The following TTC5 variants were observed in gnomAD, a reference collection of about 807,000 sequenced individuals.
The protein encoded by TTC5 is tetratricopeptide repeat domain 5.
In TTC5, 46 loss-of-function variants were observed where a neutral mutation model predicts 57.4. That is an observed-to-expected ratio of 0.80 (90% confidence interval 0.63 to 1.03). The LOEUF (loss-of-function observed/expected upper bound fraction) is 1.03, where lower values mean the gene tolerates loss of function less well. Among genes scored for constraint, TTC5 ranks in the 50% least tolerant of loss-of-function variants. The pLI is 0.00. For missense variants in TTC5, 504 were observed against 528.1 expected (o/e 0.95, Z 0.45); for synonymous variants, 190 against 203.5 (o/e 0.93, Z 0.57).
chr14:20,297,482 A>G (rs1379515168), intron 5 of TTC5, among the ~76,000 whole-genome samples: 6 of 152,212 alleles, frequency 3.9e-5, no homozygotes, highest in Non-Finnish European at 5.9e-5. Flanking sequence ...TCAGATTAAA[A>G]AGAGATGACC....
At chr14:20,300,844 T>TG (rs765116510) in intron 2 of TTC5, 26 bp from the exon 3 acceptor site, 51 of 1,557,966 alleles carry the variant, frequency 3.3e-5, no homozygotes, top group Non-Finnish European at 4.4e-5. Flanking sequence ...AAAGATAAAG[T>TG]GGGAAAAAAA....
intron 3 of TTC5, 98 bp from the exon 4 acceptor site, chr14:20,299,546 TCTAAG>T (rs1882138904): frequency 6.9e-7 from 1 of 1,447,010 alleles, no homozygotes; most frequent in South Asian, 1.2e-5. Flanking sequence ...TTTTTACCTT[TCTAAG>T]TTTTTTGTTT....
At chr14:20,300,330 C>A in intron 3 of TTC5, 1 of 362,454 alleles carries the variant, frequency 2.8e-6, no homozygotes, top group Non-Finnish European at 5.0e-6. Flanking sequence ...TTGCTGCCAT[C>A]TGTATCTTCA....
chr14:20,294,811 T>C (rs1382913793), intron 8 of TTC5: 1 of 152,966 alleles, frequency 6.5e-6, no homozygotes, highest in Non-Finnish European at 1.5e-5. Flanking sequence ...TACATTTCTT[T>C]TTTCTCACTC....
At chr14:20,305,720 G>C in intron 1 of TTC5, 167 bp downstream of exon 1, 2 of 665,850 alleles carry the variant, frequency 3.0e-6, no homozygotes, top group Non-Finnish European at 5.3e-6. Flanking sequence ...GTTCCAACGA[G>C]GCTCCCTGGC....
chr14:20,298,960 G>T (rs1882124309), intron 4 of TTC5, 72 bp from the exon 5 acceptor site: 1 of 1,232,366 alleles, frequency 8.1e-7, no homozygotes, highest in Non-Finnish European at 1.2e-6. Flanking sequence ...GATCATTCTT[G>T]AAAGTATATT....
chr14:20,304,964 T>C (rs1882261171), intron 1 of TTC5, among the ~76,000 whole-genome samples: 1 of 151,284 alleles, frequency 6.6e-6, no homozygotes. Flanking sequence ...TAACCACTGA[T>C]TTGTATACCT....
At chr14:20,290,268 G>T (rs905781353) in intron 9 of TTC5, among the ~76,000 whole-genome samples, 7 of 152,112 alleles carry the variant, frequency 4.6e-5, no homozygotes, top group Non-Finnish European at 8.8e-5. Context: ...TAACAAAAAA[G>T]GTATCAGCTC....
At chr14:20,292,654 C>T (rs1881982707) in intron 8 of TTC5, 1 of 152,260 alleles carries the variant, frequency 6.6e-6, no homozygotes, top group South Asian at 2.1e-4. Context: ...GACCTATAGT[C>T]TAGCAGGAGT....
In TTC5 at chr14:20,291,997, G is replaced by A. The variant is rs1881963279; in HGVS notation, c.1189C>T (p.Gln397Ter). 6.3e-7 allele frequency: 1 copy of A among 1,589,384 alleles called. No individual in the cohort carries two copies. Among genetic ancestry groups the A allele is most frequent in the South Asian group, 1.2e-5 (1 of 86,868 alleles). ...CCATTGCTCACCTTTCCTTTGTGCT[G>A]AATTCGGTGAAGCCGCAGGTTGGGC... ...PEPNLRLHRI[Q>*]HKGKDYSFSS... Residue 397 changes from glutamine to a stop codon, truncating the protein, a stop_gained, in exon 9 of 10, where the codon CAG becomes TAG. Transcript: ENST00000258821. LOFTEE classifies it high-confidence loss of function.
intron 8 of TTC5, chr14:20,293,558 AG>A (rs908522346): frequency 2.6e-5 from 4 of 152,250 alleles, no homozygotes; most frequent in Non-Finnish European, 4.4e-5. Context: ...AGTACCAGTA[AG>A]GGATCTTAAA....
chr14:20,299,281 C>T lies in TTC5; in HGVS notation c.547+17G>A, dbSNP rs943186428. ...TCTGCTCTAGAAACCTGTTGGAGAT[C>T]TTTTGAGAGCACTCACACCAGGAGC... On this transcript the variant is annotated intron_variant, in intron 4 of 9. Transcript: ENST00000258821. 4 of 1,610,060 alleles carry T rather than the reference C, an allele frequency of 2.5e-6. No individual in the cohort carries two copies. The highest frequency in any genetic ancestry group is 3.4e-6 in the Non-Finnish European group (4 of 1,177,332).
chr14:20,300,599 CAGCT>C lies in TTC5; in HGVS notation c.396+4_396+7del. 1 of 1,606,156 alleles carries C rather than the reference CAGCT, an allele frequency of 6.2e-7. No individual in the cohort carries two copies. The highest frequency in any genetic ancestry group is 8.5e-7 in the Non-Finnish European group (1 of 1,178,276). On this transcript the variant is annotated splice_donor_5th_base_variant and intron_variant, in intron 3 of 9. Transcript: ENST00000258821. ...CTCTGCTTTCCAAAGGGATAGGGGGCAGCTCACATGGGTGAGGGCTCCTGAGAAG... is the reference window on the plus strand; with the variant it reads ...CTCTGCTTTCCAAAGGGATAGGGGGCCACATGGGTGAGGGCTCCTGAGAAG...
rs140817385 is a variant in TTC5, at chr14:20,286,275, T to C, written c.*3352A>G. 9.9e-4 allele frequency: 150 copies of C among 152,234 alleles called. 1 individual carries two copies. Among genetic ancestry groups the C allele is most frequent in the African/African-American group, 3.6e-3 (148 of 41,548 alleles). 9.4% of individuals were successfully genotyped at this position (152,234 alleles called of 1,614,324 possible). On this transcript the variant is annotated 3_prime_UTR_variant, in exon 10 of 10. Coordinates refer to ENST00000258821, the MANE Select transcript of TTC5 (RefSeq NM_138376.3). ...AAAAACATAATTTATAATGGATTAG[T>C]ATCCAGAACATGTAAGGAATCAATA...
chr14:20,300,143 G>GTATGTGTGTGTGTATATATATATATA (rs56828704), intron 3 of TTC5, among the ~76,000 whole-genome samples: 1 of 27,146 alleles, frequency 3.7e-5, no homozygotes, highest in African/African-American at 1.1e-4. Flanking sequence ...TCTGGTCCAT[G>GTATGTGTGTGTGTATATATATATATA]TATATATATA....
Position 20,292,087 on chromosome 14 carries a change from C to A in TTC5, c.1099G>T (p.Val367Leu). The change falls in exon 9 of 10, where the codon GTG (valine) becomes TTG (leucine). Residue 367 changes from valine (V) to leucine (L), a missense_variant. Transcript: ENST00000258821. ...CTCTGCACTATATTGTACACCATCACTGCATAGCAAGGTCCATCTGAATCT... is the reference window on the plus strand; with the variant it reads ...CTCTGCACTATATTGTACACCATCAATGCATAGCAAGGTCCATCTGAATCT... ...LVDSDGPCYA[V>L]MVYNIVQSWG... is the part of the protein sequence containing the mutation. 6.3e-7 allele frequency: 1 copy of A among 1,590,476 alleles called. No individual in the cohort carries two copies. The highest frequency in any genetic ancestry group is 8.6e-7 in the Non-Finnish European group (1 of 1,168,246).
In TTC5 at chr14:20,286,559, A is replaced by G. The variant is rs1241704201; in HGVS notation, c.*3068T>C. On this transcript the variant is annotated 3_prime_UTR_variant, in exon 10 of 10. Coordinates refer to ENST00000258821, the MANE Select transcript of TTC5 (RefSeq NM_138376.3). ...TATGAAAAAAATTATATCCGTACAT[A>G]ACATAAAATAAAGTCATACTGTAAG... The G allele has an allele frequency of 6.6e-6, 1 of 152,154 alleles. No individual in the cohort carries two copies. Among genetic ancestry groups the G allele is most frequent in the Non-Finnish European group, 1.5e-5 (1 of 68,012 alleles). 9.4% of individuals were successfully genotyped at this position (152,154 alleles called of 1,614,324 possible). A position where few individuals can be genotyped will look rare whatever the true frequency, so the allele number is the denominator to read the frequency against.
rs147409941 is a variant in TTC5 at position 20,295,725 on chromosome 14, T to C, written c.826A>G (p.Ser276Gly). The change falls in exon 7 of 10, where the codon AGC (serine) becomes GGC (glycine). Residue 276 changes from serine (S) to glycine (G), a missense_variant. Ser to Gly is a moderately conservative substitution (Grantham distance 56). Coordinates refer to ENST00000258821, the MANE Select transcript of TTC5 (RefSeq NM_138376.3). ...QLLEFLDRLT[S>G]LLESKGKVKT... ...ATTTTTACCTTACTCTCAAGGAGGC[T>C]GGTTAATCTATCCAGGAATTCCAGA... 68 of 1,611,116 alleles carry C rather than the reference T, an allele frequency of 4.2e-5. No homozygotes were observed. Among genetic ancestry groups the C allele is most frequent in the Admixed American group, 3.6e-4 (21 of 59,112 alleles).
chr14:20,294,566 T>C (rs1882022451), intron 8 of TTC5: 1 of 152,190 alleles, frequency 6.6e-6, no homozygotes, highest in Non-Finnish European at 1.5e-5. Flanking sequence ...TTTGGAACCA[T>C]GCAATAGAAG....
Sources: gnomAD v4.1 joint callset for allele counts (sites outside exome capture counted in the v4.1 genomes callset) on GRCh38, gnomAD v4.1.1 for gene constraint, MANE v1.5 for transcripts, NCBI Gene and HGNC (gene_info 2026-07-23, HGNC 2026-07-21) for gene names.